Variants in DACH2 observed in about 807,000 individuals in gnomAD.
The protein encoded by DACH2 is dachshund homolog 2.
A neutral mutation model predicts 35.8 loss-of-function variants in DACH2; 17 were observed. The observed-to-expected ratio is 0.48, with a 90% CI of 0.33 to 0.71. The LOEUF (loss-of-function observed/expected upper bound fraction) is 0.71. DACH2 is among the 30% of genes least tolerant of loss of function. The pLI is 0.02. For synonymous variants in DACH2, 195 were observed against 177.3 expected (o/e 1.10, Z -0.79); for missense variants, 469 against 472.7 (o/e 0.99, Z 0.07).
intron 1 of DACH2, among the ~76,000 whole-genome samples, chrX:86,192,878 C>T (rs2031873063): frequency 8.9e-6 from 1 of 112,092 alleles, no homozygotes; most frequent in African/African-American, 3.2e-5. Context: ...TCATCGTTTT[C>T]AGGTTTTTTG....
chrX:86,244,035 T>G (rs1331038687), intron 1 of DACH2, among the ~76,000 whole-genome samples: 1 of 112,235 alleles, frequency 8.9e-6, no homozygotes, highest in Admixed American at 9.5e-5. Context: ...GGAAATTCAA[T>G]GAACCTTTTA....
chrX:86,427,576 A>T (rs181460135), intron 2 of DACH2, among the ~76,000 whole-genome samples: 90 of 111,394 alleles, frequency 8.1e-4, no homozygotes, highest in African/African-American at 2.8e-3. Context: ...TATTACTTGG[A>T]AATGCTCTAA....
rs752576150 is a variant in DACH2 at position 86,656,857 on chromosome X, G to GTATATATATA, written c.772+5715_772+5724dup. 5.2e-3 allele frequency among the ~76,000 whole-genome samples: 345 copies of GTATATATATA among 66,695 alleles called. 5 individuals are homozygous for GTATATATATA. Among genetic ancestry groups the GTATATATATA allele is most frequent in the East Asian group, 0.014 (28 of 2,005 alleles). 57.9% of individuals were successfully genotyped at this position (66,695 alleles called of 115,157 possible). On this transcript the variant is annotated intron_variant, in intron 4 of 11. Transcript: ENST00000373125. ...TGTATTAAAATACATGTGTGTGTGT[G>GTATATATATA]TATATATATATATATATATATATAT...
chrX:86,475,424 AG>A (rs1189497250), intron 2 of DACH2, among the ~76,000 whole-genome samples: 2 of 111,566 alleles, frequency 1.8e-5, no homozygotes, highest in African/African-American at 6.5e-5. Flanking sequence ...ATTAATTTCC[AG>A]GTATTTAATT....
intron 3 of DACH2, among the ~76,000 whole-genome samples, chrX:86,564,702 T>C (rs973746928): frequency 9.0e-6 from 1 of 111,349 alleles, no homozygotes; most frequent in Non-Finnish European, 1.9e-5. Context: ...TAATATGAAA[T>C]CTTCTAACAG....
chrX:86,445,514 TA>T (rs11368431), intron 2 of DACH2, among the ~76,000 whole-genome samples: 10 of 47,265 alleles, frequency 2.1e-4, no homozygotes, highest in South Asian at 2.9e-3. Context: ...ATAATAATAA[TA>T]AAAAAAAAGA....
chrX:86,637,834 T>C, intron 3 of DACH2, among the ~76,000 whole-genome samples: 1 of 111,004 alleles, frequency 9.0e-6, no homozygotes, highest in Non-Finnish European at 1.9e-5. Flanking sequence ...TGACACAAAT[T>C]TACCGACATA....
At chrX:86,457,655 GAAAT>G (rs1171481593) in intron 2 of DACH2, among the ~76,000 whole-genome samples, 1 of 112,362 alleles carries the variant, frequency 8.9e-6, no homozygotes, top group African/African-American at 3.2e-5. Context: ...ACAAGTAAAT[GAAAT>G]AAATCTTTAT....
intron 5 of DACH2, among the ~76,000 whole-genome samples, chrX:86,697,609 A>G (rs1456041177): frequency 4.5e-5 from 5 of 111,283 alleles, no homozygotes; most frequent in Admixed American, 9.6e-5. Context: ...ATACTAAGAG[A>G]ATGGAAAAAA....
intron 7 of DACH2, among the ~76,000 whole-genome samples, chrX:86,754,597 G>C (rs947136903): frequency 7.2e-5 from 8 of 110,619 alleles, no homozygotes; most frequent in African/African-American, 6.6e-5. Flanking sequence ...ACCCTTCTCA[G>C]CTTCTGGTAT....
intron 2 of DACH2, among the ~76,000 whole-genome samples, chrX:86,468,227 C>G (rs1223111330): frequency 9.0e-6 from 1 of 111,074 alleles, no homozygotes; most frequent in Non-Finnish European, 1.9e-5. Context: ...CAGAATATGG[C>G]AAAAAGAAAA....
chrX:86,775,983 T>C (rs1026667093), intron 7 of DACH2, among the ~76,000 whole-genome samples: 3 of 111,484 alleles, frequency 2.7e-5, no homozygotes. Context: ...GGTCACTCAG[T>C]AAGTGGTGGA....
In DACH2 at chrX:86,707,253, G is replaced by T. The variant is rs73508482; in HGVS notation, c.932-7295G>T. Reference sequence around the variant, plus strand: ...CTTGGATGAAATTACTCAATTTTTTGAAAGATACAATCTACCAATACTCAC... The same window carrying T: ...CTTGGATGAAATTACTCAATTTTTTTAAAGATACAATCTACCAATACTCAC... On this transcript the variant is annotated intron_variant, in intron 5 of 11. Coordinates refer to ENST00000373125, the MANE Select transcript of DACH2 (RefSeq NM_053281.3). 8.2e-4 allele frequency among the ~76,000 whole-genome samples: 91 copies of T among 111,254 alleles called. 1 individual carries two copies. Among genetic ancestry groups the T allele is most frequent in the African/African-American group, 2.9e-3 (88 of 30,675 alleles).
At chrX:86,390,957 A>G (rs1310104819) in intron 2 of DACH2, among the ~76,000 whole-genome samples, 2 of 110,550 alleles carry the variant, frequency 1.8e-5, no homozygotes, top group African/African-American at 6.6e-5. Context: ...GTTTATGAAA[A>G]AATAAAATTC....
At chrX:86,247,691 A>G (rs986736125) in intron 1 of DACH2, among the ~76,000 whole-genome samples, 9 of 111,414 alleles carry the variant, frequency 8.1e-5, no homozygotes, top group African/African-American at 2.6e-4. Flanking sequence ...GACTCATTCT[A>G]TGAGGCCAGC....
chrX:86,276,803 T>C (rs1356184062), intron 1 of DACH2, among the ~76,000 whole-genome samples: 1 of 112,128 alleles, frequency 8.9e-6, no homozygotes, highest in Non-Finnish European at 1.9e-5. Context: ...CTCCAGCGTA[T>C]GTTGTTGGTA....
intron 2 of DACH2, among the ~76,000 whole-genome samples, chrX:86,483,170 AG>A (rs1459445793): frequency 3.7e-5 from 4 of 109,063 alleles, no homozygotes; most frequent in Non-Finnish European, 7.6e-5. Context: ...AAAAAAAAAA[AG>A]AAAAAGAGAG....
intron 2 of DACH2, among the ~76,000 whole-genome samples, chrX:86,484,615 G>T (rs188337332): frequency 9.0e-5 from 10 of 111,673 alleles, no homozygotes. Flanking sequence ...GTGGGTGAAG[G>T]TTTAAATCAT....
chrX:86,264,041 A>T (rs1047829826), intron 1 of DACH2, among the ~76,000 whole-genome samples: 20 of 111,958 alleles, frequency 1.8e-4, no homozygotes, highest in South Asian at 3.6e-4. Flanking sequence ...TATTTTTAAA[A>T]ACCTAAGGAA....
Sources: allele counts gnomAD v4.1 joint callset (sites outside exome capture counted in the v4.1 genomes callset), GRCh38; gene constraint gnomAD v4.1.1; transcripts MANE v1.5; gene names NCBI Gene and HGNC (gene_info 2026-07-23, HGNC 2026-07-21).